Variants in POMGNT1 observed in about 807,000 individuals in gnomAD.
POMGNT1 encodes protein O-linked mannose N-acetylglucosaminyltransferase 1 (beta 1,2-), also known as protein O-linked-mannose beta-1,2-N-acetylglucosaminyltransferase 1.
In POMGNT1, 67 loss-of-function variants were observed where a neutral mutation model predicts 95.6. The ratio of observed to expected loss-of-function variants is 0.70; its 90% CI spans 0.58 to 0.86. The LOEUF is 0.86. POMGNT1 is among the 40% of genes least tolerant of loss of function. The pLI is 0.00. For synonymous variants in POMGNT1, 298 were observed against 317.9 expected (o/e 0.94, Z 0.66); for missense variants, 719 against 855.2 (o/e 0.84, Z 1.99).
At position 46,189,521 on chromosome 1, in the gene POMGNT1, A is replaced by G. The variant is rs1352149832; in HGVS notation, c.1832T>C (p.Leu611Pro). ...GTTCTTCTTCCGAAACAATCTCCAC[A>G]GGCCCCGATGGTTGCCACGCACATC... The part of the protein sequence containing the change: ...DLDVRGNHRG[L>P]WRLFRKKNHF... The change falls in exon 21 of 22, where the codon CTG becomes CCG. Residue 611 changes from leucine (L) to proline (P), a missense_variant. By Grantham distance (98) the Leu-to-Pro change is moderately conservative. This residue lies in a region of POMGNT1 where 130 missense variants were observed against 149.2 expected (regional missense o/e 0.87). Transcript: ENST00000371984. The G allele has an allele frequency of 2.5e-6, 4 of 1,613,426 alleles. No homozygotes were observed. Among genetic ancestry groups the G allele is most frequent in the South Asian group, 1.1e-5 (1 of 90,836 alleles).
At chr1:46,212,769 T>C (rs74531559) in intron 1 of POMGNT1, among the ~76,000 whole-genome samples, 3 of 151,768 alleles carry the variant, frequency 2.0e-5, no homozygotes, top group Non-Finnish European at 4.4e-5. Context: ...TATTTTATTT[T>C]ATTTTTTTGA....
At chr1:46,197,126 C>A in intron 2 of POMGNT1, 42 bp from the exon 3 acceptor site, 1 of 1,613,632 alleles carries the variant, frequency 6.2e-7, no homozygotes, top group South Asian at 1.1e-5. Context: ...GCACCTCCTT[C>A]AGATCCTAGA....
upstream of POMGNT1, among the ~76,000 whole-genome samples, chr1:46,202,506 A>G (rs1343188061): frequency 2.0e-5 from 3 of 151,926 alleles, no homozygotes; most frequent in Non-Finnish European, 4.4e-5. Flanking sequence ...CAGCCTGGCC[A>G]ACATGGTGAA....
At chr1:46,208,460 G>A (rs1206993467) in intron 1 of POMGNT1, among the ~76,000 whole-genome samples, 2 of 152,088 alleles carry the variant, frequency 1.3e-5, no homozygotes, top group African/African-American at 2.4e-5. Context: ...ATTCCATCTC[G>A]AGGAAGGGCA....
chr1:46,211,464 C>T (rs941331223), intron 1 of POMGNT1, among the ~76,000 whole-genome samples: 1 of 152,062 alleles, frequency 6.6e-6, no homozygotes. Flanking sequence ...CACACACACA[C>T]ACACACACAC....
chr1:46,197,647 G>A, intron 2 of POMGNT1, 55 bp downstream of exon 2: 1 of 1,610,274 alleles, frequency 6.2e-7, no homozygotes, highest in East Asian at 2.2e-5. Context: ...TGATTTAGGT[G>A]GGGAGGAAGC....
rs971650075 is a variant in POMGNT1 at position 46,189,787 on chromosome 1, C to T, written c.1785+67G>A. On this transcript the variant is annotated intron_variant, in intron 20 of 21. Transcript: ENST00000371984. ...TTGAAGATTCCAGAGCAAAGGCTCC[C>T]TGGATCTTGGGGCAGTATGTGTGTG... The T allele has an allele frequency of 8.1e-6, 13 of 1,605,484 alleles. No homozygotes were observed. The African/African-American group carries it at 1.7e-4, about 21-fold the overall frequency.
In POMGNT1 at chr1:46,197,739, T is replaced by C; in HGVS notation, c.83A>G (p.Lys28Arg). Residue 28 changes from lysine to arginine, a missense_variant, in exon 2 of 22, where the codon AAA becomes AGA. By Grantham distance (26) the Lys-to-Arg change is conservative (BLOSUM62 2). Transcript: ENST00000371984. ...CCGCAGGGCCCGCTGGTTTGTCAGT[T>C]TATACTTCCAGGTAAGGTACCAGCT... The part of the protein sequence containing the change: ...KRSWYLTWKY[K>R]LTNQRALRRF... The C allele has an allele frequency of 6.2e-7, 1 of 1,614,064 alleles. No homozygotes were observed.
chr1:46,193,381 A>G lies in POMGNT1; in HGVS notation c.1034T>C (p.Met345Thr). The change falls in exon 12 of 22, where the codon ATG becomes ACG. Residue 345 changes from methionine (M) to threonine (T), a missense_variant. Met to Thr is a moderately conservative substitution (Grantham distance 81, BLOSUM62 -1). Transcript: ENST00000371984. ...CAGACCAAACAGTGCCACCACATCC[A>G]TGGGTTCCTGGGGGACATGGCCACT... ...VFIDGYYEEP[M>T]DVVALFGLRG... The G allele has an allele frequency of 1.2e-6, 2 of 1,612,530 alleles. No homozygotes were observed. Among genetic ancestry groups the G allele is most frequent in the South Asian group, 1.1e-5 (1 of 90,708 alleles).
chr1:46,218,217 C>T (rs564892093), intron 1 of POMGNT1, among the ~76,000 whole-genome samples: 51 of 152,202 alleles, frequency 3.4e-4, no homozygotes, highest in African/African-American at 1.2e-3. Flanking sequence ...CAAGGTGAGA[C>T]CTTGTCTGTA....
At chr1:46,201,665 T>A (rs1658535573), upstream of POMGNT1, among the ~76,000 whole-genome samples, 1 of 132,254 alleles carries the variant, frequency 7.6e-6, no homozygotes, top group Non-Finnish European at 1.5e-5. Flanking sequence ...GCCACTGCAC[T>A]CCAGCCTGGG....
chr1:46,219,580 T>C (rs1571693692), intron 1 of POMGNT1: 3 of 1,137,230 alleles, frequency 2.6e-6, no homozygotes, highest in East Asian at 4.8e-5. Flanking sequence ...CAAGCCGTTA[T>C]AATTCCATCC....
At chr1:46,200,807 T>A (rs1420213527), upstream of POMGNT1, among the ~76,000 whole-genome samples, 3 of 152,210 alleles carry the variant, frequency 2.0e-5, no homozygotes, top group African/African-American at 7.2e-5. Context: ...ACTCCTCCTA[T>A]CCTTTTCTCC....
At chr1:46,199,945 T>C (rs2148228987), upstream of POMGNT1, among the ~76,000 whole-genome samples, 1 of 152,118 alleles carries the variant, frequency 6.6e-6, no homozygotes, top group South Asian at 2.1e-4. Flanking sequence ...CGAGGTGGGG[T>C]GGTCAGTTGA....
At position 46,195,819 on chromosome 1, in the gene POMGNT1, T is replaced by G. The variant is rs386834030; in HGVS notation, c.526A>C (p.Thr176Pro). 6.3e-7 allele frequency: 1 copy of G among 1,593,860 alleles called. No individual in the cohort carries two copies. Among genetic ancestry groups the G allele is most frequent in the South Asian group, 1.1e-5 (1 of 88,844 alleles). Residue 176 changes from threonine to proline, a missense_variant, in exon 6 of 22, where the codon ACT (threonine) becomes CCT (proline). Physicochemically the swap from Thr to Pro is conservative, Grantham distance 38 (BLOSUM62 -1). Around this residue, in one of 5 missense-constraint regions of POMGNT1, gnomAD observed 466 missense variants for 517.4 expected, o/e 0.90. Transcript: ENST00000371984. ...MVAPGRVLIC[T>P]VKDEGSFHLK... is the part of the protein sequence containing the mutation. Reference sequence around the variant, plus strand: ...AGGACAGAATAACTGACCTTGACAGTGCAGATGAGCACTCGGCCGGGCGCT... The same window carrying G: ...AGGACAGAATAACTGACCTTGACAGGGCAGATGAGCACTCGGCCGGGCGCT...
chr1:46,190,471 AC>A lies in POMGNT1; in HGVS notation c.1649+1del. On this transcript the variant is annotated splice_donor_variant, in intron 19 of 21. Transcript: ENST00000371984. LOFTEE classifies it high-confidence loss of function. Reference sequence around the variant, plus strand: ...CTACACCCCAATTGTCCTAGGCCATACCTGAGCAGCCTGTGAACTTCCACTT... The same window carrying A: ...CTACACCCCAATTGTCCTAGGCCATACTGAGCAGCCTGTGAACTTCCACTT... The A allele has an allele frequency of 1.3e-6, 2 of 1,594,680 alleles. No individual in the cohort carries two copies. The highest frequency in any genetic ancestry group is 1.7e-6 in the Non-Finnish European group (2 of 1,162,252).
chr1:46,197,451 C>T, intron 2 of POMGNT1: 1 of 1,492,502 alleles, frequency 6.7e-7, no homozygotes, highest in East Asian at 2.6e-5. Flanking sequence ...AGGGGTGTGC[C>T]TCTCTGCAAA....
chr1:46,210,485 C>T (rs1450123576), intron 1 of POMGNT1, among the ~76,000 whole-genome samples: 1 of 152,152 alleles, frequency 6.6e-6, no homozygotes, highest in Non-Finnish European at 1.5e-5. Context: ...AAGACTGTCC[C>T]CCTCTTCAGA....
At position 46,196,716 on chromosome 1, in the gene POMGNT1, C is replaced by A. The variant is rs1163408198; in HGVS notation, c.354+15G>T. The A allele has an allele frequency of 3.7e-6, 6 of 1,614,074 alleles. No individual in the cohort carries two copies. Among genetic ancestry groups the A allele is most frequent in the Non-Finnish European group, 5.1e-6 (6 of 1,180,040 alleles). On this transcript the variant is annotated intron_variant, in intron 4 of 21. Coordinates refer to ENST00000371984, the MANE Select transcript of POMGNT1 (RefSeq NM_017739.4). This position sits in a 1 kb window ranked among gnomAD's most constrained non-coding sequence, Gnocchi z 4.4. ...CAGAATAGAGTGACTGTACACCAGA[C>A]CCTGGCCCACTGACCGTGGTGCCAT...
Sources: allele counts gnomAD v4.1 joint callset (sites outside exome capture counted in the v4.1 genomes callset), GRCh38; gene constraint gnomAD v4.1.1; regional missense constraint gnomAD v4.1.1; non-coding constraint Gnocchi (gnomAD v3.1); transcripts MANE v1.5; gene names NCBI Gene and HGNC (gene_info 2026-07-23, HGNC 2026-07-21).